PARD3B: variants seen among roughly 807,000 people sequenced by gnomAD.
PARD3B encodes par-3 family cell polarity regulator beta, also known as partitioning defective 3 homolog B.
Under a neutral mutation model 130.2 loss-of-function variants are expected in PARD3B, and 103 were observed. The observed-to-expected ratio is 0.79, with a 90% CI of 0.67 to 0.93. The LOEUF (loss-of-function observed/expected upper bound fraction) is 0.93, where lower values mean the gene tolerates loss of function less well. Among genes scored for constraint, PARD3B ranks in the 40% least tolerant of loss-of-function variants. The pLI is 0.00. For missense variants in PARD3B, 1,609 were observed against 1,499.2 expected, an observed-to-expected ratio of 1.07 and a Z score of -1.21; for synonymous variants, 583 against 553.2, an observed-to-expected ratio of 1.05 and a Z score of -0.76.
rs566266573 is a variant in PARD3B at position 204,872,858 on chromosome 2, A to G, written c.223-92294A>G. Reference sequence around the variant, plus strand: ...TTTACTCTTGAGTCTTTTATTGTGAATTGTATCCTTTTAAACTTTAATGTC... The same window carrying G: ...TTTACTCTTGAGTCTTTTATTGTGAGTTGTATCCTTTTAAACTTTAATGTC... On this transcript the variant is annotated intron_variant, in intron 2 of 22. Transcript: ENST00000406610. 2.0e-5 allele frequency among the ~76,000 whole-genome samples: 3 copies of G among 152,252 alleles called. No individual in the cohort carries two copies. In the East Asian group the frequency reaches 5.8e-4, roughly 29 times the overall value.
chr2:204,655,898 G>T (rs78980179), intron 1 of PARD3B, among the ~76,000 whole-genome samples: 16,990 of 152,042 alleles, frequency 0.11, 1,037 homozygotes, highest in African/African-American at 0.16. Context: ...TGTCTCAGCT[G>T]ATCTTGTCTG....
chr2:205,296,302 C>A (rs2041788419), intron 16 of PARD3B, among the ~76,000 whole-genome samples: 2 of 152,142 alleles, frequency 1.3e-5, no homozygotes, highest in Non-Finnish European at 2.9e-5. Flanking sequence ...TAACCACTAC[C>A]CTCTAGACAG....
chr2:204,854,608 C>A lies in PARD3B; in HGVS notation c.223-110544C>A, dbSNP rs79911390. 6.9e-3 allele frequency among the ~76,000 whole-genome samples: 1,045 copies of A among 152,240 alleles called. 8 individuals are homozygous for A. Among genetic ancestry groups the A allele is most frequent in the African/African-American group, 0.023 (946 of 41,542 alleles). The stretch of plus-strand genomic sequence containing the variant: ...GAATTGATGAATATTCCATACTGAA[C>A]ACACCATGCTGAGCACATAGCAGAT... On this transcript the variant is annotated intron_variant, in intron 2 of 22. Transcript: ENST00000406610.
chr2:204,563,397 G>C (rs181266635), intron 1 of PARD3B, among the ~76,000 whole-genome samples: 11 of 152,148 alleles, frequency 7.2e-5, no homozygotes, highest in African/African-American at 1.7e-4. Context: ...GTATGGGTGG[G>C]GGGGACTGGG....
intron 2 of PARD3B, among the ~76,000 whole-genome samples, chr2:204,841,814 A>G (rs2044267826): frequency 2.0e-5 from 3 of 152,104 alleles, no homozygotes; most frequent in Admixed American, 1.3e-4. Flanking sequence ...TCAAAATTGT[A>G]TCACAGTAAT....
chr2:204,777,868 G>T (rs900960459), intron 2 of PARD3B, among the ~76,000 whole-genome samples: 3 of 152,140 alleles, frequency 2.0e-5, no homozygotes, highest in African/African-American at 7.2e-5. Context: ...AGAGGGAGGT[G>T]ATTGGATCAA....
intron 3 of PARD3B, among the ~76,000 whole-genome samples, chr2:204,999,084 A>G (rs1694610810): frequency 6.6e-6 from 1 of 151,158 alleles, no homozygotes; most frequent in Admixed American, 6.6e-5. Flanking sequence ...CGCTGGGTTC[A>G]GTTTGCTAAT....
At chr2:205,119,659 G>A (rs1399276730) in intron 7 of PARD3B, among the ~76,000 whole-genome samples, 3 of 152,054 alleles carry the variant, frequency 2.0e-5, no homozygotes, top group Admixed American at 6.5e-5. Flanking sequence ...GTACGCGCCT[G>A]TAATCCCAGC....
intron 16 of PARD3B, among the ~76,000 whole-genome samples, chr2:205,264,945 T>G (rs1296691355): frequency 6.6e-6 from 1 of 151,246 alleles, no homozygotes; most frequent in African/African-American, 2.4e-5. Context: ...TTCCTGTTTA[T>G]GTGATCATAA....
At chr2:205,581,310 A>C (rs1388402429) in intron 22 of PARD3B, among the ~76,000 whole-genome samples, 1 of 145,790 alleles carries the variant, frequency 6.9e-6, no homozygotes, top group Non-Finnish European at 1.5e-5. Flanking sequence ...ATAGATAGAT[A>C]GATCCTGTCA....
intron 10 of PARD3B, among the ~76,000 whole-genome samples, chr2:205,152,900 A>G (rs1017725206): frequency 1.3e-5 from 2 of 151,934 alleles, no homozygotes; most frequent in Non-Finnish European, 2.9e-5. Context: ...GGTTTTATCT[A>G]CCTTTGGTCT....
chr2:204,804,859 A>C (rs1216817674), intron 2 of PARD3B, among the ~76,000 whole-genome samples: 1 of 152,214 alleles, frequency 6.6e-6, no homozygotes, highest in Non-Finnish European at 1.5e-5. Context: ...ACACATGGAA[A>C]TTAAACAATA....
intron 7 of PARD3B, among the ~76,000 whole-genome samples, chr2:205,119,757 G>C (rs974375856): frequency 6.6e-6 from 1 of 152,070 alleles, no homozygotes; most frequent in South Asian, 2.1e-4. Flanking sequence ...ACTCCACCCT[G>C]GGTGACAGGG....
At chr2:205,438,909 T>C (rs907613866) in intron 19 of PARD3B, among the ~76,000 whole-genome samples, 2 of 152,144 alleles carry the variant, frequency 1.3e-5, no homozygotes, top group Non-Finnish European at 2.9e-5. Context: ...GTGCTGGGGT[T>C]TTGTTTTGGT....
intron 18 of PARD3B, among the ~76,000 whole-genome samples, chr2:205,378,271 G>A (rs1241564624): frequency 6.6e-6 from 1 of 152,100 alleles, no homozygotes; most frequent in African/African-American, 2.4e-5. Context: ...ACAGTACAGT[G>A]AATCCATCAA....
intron 2 of PARD3B, among the ~76,000 whole-genome samples, chr2:204,711,170 CTG>C (rs2038414601): frequency 6.6e-6 from 1 of 152,132 alleles, no homozygotes; most frequent in African/African-American, 2.4e-5. Context: ...GTTCTGATAA[CTG>C]GACTTAAACA....
chr2:205,281,304 A>C lies in PARD3B; in HGVS notation c.2186-19226A>C, dbSNP rs1361786269. On this transcript the variant is annotated intron_variant, in intron 16 of 22. Transcript: ENST00000406610. This position sits in a 1 kb window ranked among gnomAD's most constrained non-coding sequence, Gnocchi z 4.2. ...ATCTCAGGTACTGAAAAGAATTTGA[A>C]AATTAGAAACAGAATACCAGGTAAT... Among the ~76,000 whole-genome samples the C allele has an allele frequency of 2.0e-5, 3 of 152,212 alleles. No individual in the cohort carries two copies. Among genetic ancestry groups the C allele is most frequent in the African/African-American group, 7.2e-5 (3 of 41,452 alleles).
At chr2:205,401,986 C>A (rs756199275) in intron 19 of PARD3B, among the ~76,000 whole-genome samples, 1 of 152,020 alleles carries the variant, frequency 6.6e-6, no homozygotes, top group African/African-American at 2.4e-5. Flanking sequence ...CTAAAGAGAC[C>A]ATTCTTGTAT....
chr2:205,165,316 A>T (rs747525051), intron 11 of PARD3B, among the ~76,000 whole-genome samples: 8 of 152,184 alleles, frequency 5.3e-5, no homozygotes, highest in Non-Finnish European at 7.3e-5. Context: ...GATGGTTTGA[A>T]GTCAGTATTT....
Sources: allele counts gnomAD v4.1 joint callset (sites outside exome capture counted in the v4.1 genomes callset), GRCh38; gene constraint gnomAD v4.1.1; non-coding constraint Gnocchi (gnomAD v3.1); transcripts MANE v1.5; gene names NCBI Gene and HGNC (gene_info 2026-07-23, HGNC 2026-07-21).